Variants in ACYP2 observed in about 807,000 individuals in gnomAD.
The protein encoded by ACYP2 is acylphosphatase 2.
A neutral mutation model predicts 11.2 loss-of-function variants in ACYP2; 12 were observed. The ratio of observed to expected loss-of-function variants is 1.08; its 90% CI spans 0.69 to 1.74. ACYP2 has a LOEUF of 1.74. Among genes scored for constraint, ACYP2 ranks in the 40% most tolerant of loss-of-function variants. ACYP2 has a pLI of 0.00. For missense variants in ACYP2, 134 were observed against 101.9 expected (o/e 1.31, Z -1.35); for synonymous variants, 43 against 32.2 (o/e 1.33, Z -1.13).
intron 4 of ACYP2, chr2:54,115,367 T>C (rs569062965): frequency 1.8e-4 from 94 of 527,814 alleles, no homozygotes; most frequent in Admixed American, 9.1e-4. Flanking sequence ...CATCCGGCTT[T>C]TATTTACTAA....
At chr2:54,270,214 T>G (rs567628410) in intron 6 of ACYP2, among the ~76,000 whole-genome samples, 1 of 152,214 alleles carries the variant, frequency 6.6e-6, no homozygotes, top group Non-Finnish European at 1.5e-5. Context: ...AATCACTTTT[T>G]CTTGATGTTT....
intron 4 of ACYP2, chr2:54,065,420 G>C (rs1327570709): frequency 2.5e-6 from 1 of 398,476 alleles, no homozygotes; most frequent in Non-Finnish European, 4.4e-6. Context: ...ACATAAACTT[G>C]TTGGAGTTGG....
At position 54,266,046 on chromosome 2, in the gene ACYP2, T is replaced by C. The variant is rs368982310; in HGVS notation, c.405-38642T>C. Among the ~76,000 whole-genome samples, 14 of 152,328 alleles carry C rather than the reference T, an allele frequency of 9.2e-5. No individual in the cohort carries two copies. The East Asian group carries it at 1.5e-3, about 17-fold the overall frequency. ...TGCAAAAAGTAGAGTGTGAGCAGCA[T>C]GTTCTGAGAACAGTTCTGTAATTGC... is the stretch of plus-strand genomic sequence containing the variant. On this transcript the variant is annotated intron_variant, in intron 6 of 6. Transcript: ENST00000607452.
At chr2:54,070,469 C>T (rs1168418291) in intron 4 of ACYP2, among the ~76,000 whole-genome samples, 2 of 152,126 alleles carry the variant, frequency 1.3e-5, no homozygotes, top group East Asian at 1.9e-4. Context: ...AACCAGAGCA[C>T]ACTATCTGCC....
At chr2:54,186,697 A>G (rs1339494077) in intron 6 of ACYP2, among the ~76,000 whole-genome samples, 1 of 151,896 alleles carries the variant, frequency 6.6e-6, no homozygotes, top group Non-Finnish European at 1.5e-5. Flanking sequence ...TATTTTTAGT[A>G]GAGACGGGGC....
chr2:54,158,198 T>G (rs1418444553), intron 6 of ACYP2, among the ~76,000 whole-genome samples: 1 of 36,782 alleles, frequency 2.7e-5, no homozygotes, highest in Admixed American at 2.3e-4. Flanking sequence ...GTTAACTTTG[T>G]TTTTTTTTTT....
chr2:54,171,260 A>T (rs1683210184), intron 6 of ACYP2, among the ~76,000 whole-genome samples: 1 of 152,142 alleles, frequency 6.6e-6, no homozygotes, highest in African/African-American at 2.4e-5. Context: ...TTAATCTCAT[A>T]AAACTACTCA....
At position 54,015,282 on chromosome 2, in the gene ACYP2, C is replaced by T. The variant is rs746646586; in HGVS notation, c.63-35676C>T. Among the ~76,000 whole-genome samples, 71 of 151,502 alleles carry T rather than the reference C, an allele frequency of 4.7e-4. No homozygotes were observed. In the Middle Eastern group the frequency reaches 0.027, roughly 58 times the overall value. On this transcript the variant is annotated intron_variant, in intron 2 of 6. Coordinates refer to ENST00000607452, the MANE Select transcript of ACYP2 (RefSeq NM_001320586.2). Reference sequence around the variant, plus strand: ...TCCCAAGCACTCTGGGAGGCCGAGGCGAGCAGATCATGTGAGGACGGGAGT... The same window carrying T: ...TCCCAAGCACTCTGGGAGGCCGAGGTGAGCAGATCATGTGAGGACGGGAGT...
intron 3 of ACYP2, among the ~76,000 whole-genome samples, chr2:54,053,216 C>T (rs906910820): frequency 4.6e-5 from 7 of 152,190 alleles, no homozygotes; most frequent in East Asian, 1.9e-4. Context: ...TTAGGAGACC[C>T]GGACAGCATG....
At chr2:54,255,200 A>C (rs752957022) in intron 6 of ACYP2, 1 of 1,614,092 alleles carries the variant, frequency 6.2e-7, no homozygotes, top group Non-Finnish European at 8.5e-7. Flanking sequence ...ACTTGGCCGA[A>C]GGATCTGACC....
chr2:54,179,646 T>C (rs1227833448), intron 6 of ACYP2, among the ~76,000 whole-genome samples: 1 of 152,134 alleles, frequency 6.6e-6, no homozygotes, highest in Non-Finnish European at 1.5e-5. Flanking sequence ...TTGTAAACTG[T>C]CATGGTGCTG....
chr2:54,192,755 T>C (rs1458392498), intron 6 of ACYP2, among the ~76,000 whole-genome samples: 1 of 152,150 alleles, frequency 6.6e-6, no homozygotes, highest in East Asian at 1.9e-4. Context: ...CTCACGGTTC[T>C]GCATGGCTAG....
At chr2:53,976,818 A>G (rs188297727) in intron 2 of ACYP2, among the ~76,000 whole-genome samples, 81 of 152,190 alleles carry the variant, frequency 5.3e-4, no homozygotes, top group African/African-American at 1.9e-3. Context: ...AAAGGAATGA[A>G]TTTTTCTCTC....
intron 4 of ACYP2, among the ~76,000 whole-genome samples, chr2:54,087,872 A>G (rs912707379): frequency 2.6e-5 from 4 of 151,862 alleles, no homozygotes; most frequent in African/African-American, 9.7e-5. Context: ...GAAATTTACA[A>G]AGGAAATTTT....
chr2:54,220,478 C>T (rs963234765), intron 6 of ACYP2, among the ~76,000 whole-genome samples: 2 of 152,158 alleles, frequency 1.3e-5, no homozygotes, highest in African/African-American at 4.8e-5. Context: ...TTTGTAGTTT[C>T]TTTTAAGTGA....
chr2:54,268,565 G>T (rs1368222899), intron 6 of ACYP2, among the ~76,000 whole-genome samples: 1 of 151,484 alleles, frequency 6.6e-6, no homozygotes, highest in Non-Finnish European at 1.5e-5. Context: ...AAGTTGGGAG[G>T]CTGAGACAGG....
intron 4 of ACYP2, among the ~76,000 whole-genome samples, chr2:54,111,511 G>A (rs1233193707): frequency 6.6e-6 from 1 of 152,190 alleles, no homozygotes; most frequent in Non-Finnish European, 1.5e-5. Context: ...ACCTGGGACA[G>A]AATCTCCTTC....
At chr2:54,077,701 G>A (rs529599856) in intron 4 of ACYP2, among the ~76,000 whole-genome samples, 20 of 152,320 alleles carry the variant, frequency 1.3e-4, no homozygotes, top group African/African-American at 4.6e-4. Context: ...ACAGAATAGG[G>A]GAATAATCTG....
At chr2:54,185,500 T>G (rs116056731) in intron 6 of ACYP2, among the ~76,000 whole-genome samples, 417 of 152,302 alleles carry the variant, frequency 2.7e-3, no homozygotes, top group African/African-American at 9.5e-3. Flanking sequence ...CTCTTGGAAT[T>G]GAGCTTTTGG....
Sources: allele counts gnomAD v4.1 joint callset (sites outside exome capture counted in the v4.1 genomes callset), GRCh38; gene constraint gnomAD v4.1.1; transcripts MANE v1.5; gene names NCBI Gene and HGNC (gene_info 2026-07-23, HGNC 2026-07-21).